FHIP2A: variants seen among roughly 807,000 people sequenced by gnomAD.
FHIP2A encodes the protein FHF complex subunit HOOK interacting protein 2A.
FHIP2A carries 46 observed loss-of-function variants against 93.5 expected under a neutral mutation model. That is an observed-to-expected ratio of 0.49 (90% CI 0.39 to 0.63). The LOEUF is 0.63. FHIP2A is among the 20% of genes least tolerant of loss of function. FHIP2A has a pLI of 0.00. For synonymous variants in FHIP2A, 332 were observed against 326.5 expected (o/e 1.02, Z -0.18); for missense variants, 769 against 909.7 (o/e 0.85, Z 1.99).
At chr10:114,852,824 A>T (rs1332404183) in intron 13 of FHIP2A, among the ~76,000 whole-genome samples, 1 of 152,094 alleles carries the variant, frequency 6.6e-6, no homozygotes, top group East Asian at 1.9e-4. Flanking sequence ...GCTTTTCTAT[A>T]TTTCTTACTA....
chr10:114,847,832 C>T (rs941942783), intron 12 of FHIP2A, among the ~76,000 whole-genome samples: 6 of 150,474 alleles, frequency 4.0e-5, no homozygotes, highest in Non-Finnish European at 8.9e-5. Flanking sequence ...CTGCAACTTC[C>T]GTCTCCCGGG....
In FHIP2A at chr10:114,862,210, C is replaced by A; in HGVS notation, c.*670C>A. 12 of 969,564 alleles carry A rather than the reference C, an allele frequency of 1.2e-5. No homozygotes were observed. The highest frequency in any genetic ancestry group is 1.5e-5 in the Non-Finnish European group (12 of 815,408). The allele number at this position is 969,564 out of a possible 1,614,324, so 60.1% of individuals were successfully genotyped here. ...TCTTTTACTCTTTTGTGCACATAGC[C>A]ATGTTAGTGATTTTCTTCATGTGTG... is the stretch of plus-strand genomic sequence containing the variant. On this transcript the variant is annotated 3_prime_UTR_variant, in exon 17 of 17. Coordinates refer to ENST00000369248, the MANE Select transcript of FHIP2A (RefSeq NM_020940.4).
chr10:114,846,874 A>G, intron 11 of FHIP2A, 146 bp downstream of exon 11: 1 of 791,614 alleles, frequency 1.3e-6, no homozygotes, highest in Non-Finnish European at 1.9e-6. Context: ...CATTGATACT[A>G]CCATCCTTTT....
rs374499648 is a variant in FHIP2A, at chr10:114,860,904, C to G, written c.2088+15C>G. Reference sequence around the variant, plus strand: ...TAATTGTCAGGGTGAGTTACTAGTTCTGTTATATTCCCTAGGATTGATAAA... The same window carrying G: ...TAATTGTCAGGGTGAGTTACTAGTTGTGTTATATTCCCTAGGATTGATAAA... On this transcript the variant is annotated intron_variant, in intron 15 of 16. Coordinates refer to ENST00000369248, the MANE Select transcript of FHIP2A (RefSeq NM_020940.4). The G allele has an allele frequency of 1.2e-5, 20 of 1,606,966 alleles. No individual in the cohort carries two copies. The African/African-American group carries it at 1.7e-4, about 14-fold the overall frequency.
chr10:114,831,468 T>C (rs932102312), intron 2 of FHIP2A, among the ~76,000 whole-genome samples: 1 of 152,182 alleles, frequency 6.6e-6, no homozygotes, highest in African/African-American at 2.4e-5. Flanking sequence ...TGTGGCACGC[T>C]TGGCACATCC....
intron 14 of FHIP2A, among the ~76,000 whole-genome samples, chr10:114,859,922 C>T (rs2083787910): frequency 6.6e-6 from 1 of 152,148 alleles, no homozygotes; most frequent in Admixed American, 6.5e-5. Context: ...CAAGTACTTT[C>T]ATTTCATTCT....
At chr10:114,884,648 C>T (rs577448135) in intron 16 of FHIP2A, among the ~76,000 whole-genome samples, 1 of 152,312 alleles carries the variant, frequency 6.6e-6, no homozygotes, top group South Asian at 2.1e-4. Flanking sequence ...CGCGGTGGCT[C>T]ACGCCTGTAA....
chr10:114,823,522 T>C (rs1012122115), intron 1 of FHIP2A, among the ~76,000 whole-genome samples: 4 of 152,064 alleles, frequency 2.6e-5, no homozygotes, highest in African/African-American at 9.7e-5. Context: ...TGAGACCGAA[T>C]CTCATTCTGT....
At chr10:114,841,377 CT>C (rs924133082) in intron 5 of FHIP2A, among the ~76,000 whole-genome samples, 6 of 148,798 alleles carry the variant, frequency 4.0e-5, no homozygotes, top group African/African-American at 1.5e-4. Context: ...ACTGCAACCT[CT>C]GCCTCCCAGA....
At chr10:114,877,310 A>C (rs547548688) in intron 16 of FHIP2A, among the ~76,000 whole-genome samples, 2 of 152,272 alleles carry the variant, frequency 1.3e-5, no homozygotes, top group South Asian at 4.1e-4. Flanking sequence ...GTCAAGCACG[A>C]GTTTCCAAAT....
Position 114,846,193 on chromosome 10 carries a change from C to T in FHIP2A, c.1224C>T (p.Leu408=). The T allele has an allele frequency of 6.2e-7, 1 of 1,614,158 alleles. No homozygotes were observed. Among genetic ancestry groups the T allele is most frequent in the Non-Finnish European group, 8.5e-7 (1 of 1,180,020 alleles). The change falls in exon 10 of 17, where the codon CTC becomes CTT. Residue 408 remains leucine (L), a synonymous_variant. Coordinates refer to ENST00000369248, the MANE Select transcript of FHIP2A (RefSeq NM_020940.4). ...QLMQTSEMGI[L]TSTALLHRIV... ...TGCTCAGTTCTGAGATGGGTATTCT[C>T]ACATCCACTGCTCTGCTTCATCGCA...
intron 13 of FHIP2A, among the ~76,000 whole-genome samples, chr10:114,851,999 C>T (rs1345993611): frequency 6.6e-6 from 1 of 151,782 alleles, no homozygotes; most frequent in Non-Finnish European, 1.5e-5. Flanking sequence ...TTGTTCTTTC[C>T]AAATGTAGAA....
chr10:114,851,694 G>A (rs2083736895), intron 13 of FHIP2A, among the ~76,000 whole-genome samples: 1 of 100,894 alleles, frequency 9.9e-6, no homozygotes, highest in Non-Finnish European at 1.8e-5. Flanking sequence ...TGAATTTTAG[G>A]ATTACTTTGT....
At chr10:114,865,910 G>T (rs535806055), downstream of FHIP2A, among the ~76,000 whole-genome samples, 5 of 152,116 alleles carry the variant, frequency 3.3e-5, no homozygotes, top group Non-Finnish European at 7.4e-5. Flanking sequence ...TGTTCTTATG[G>T]CAATAAAGTT....
At chr10:114,884,824 G>T (rs1238155713) in intron 16 of FHIP2A, among the ~76,000 whole-genome samples, 1 of 150,912 alleles carries the variant, frequency 6.6e-6, no homozygotes, top group Non-Finnish European at 1.5e-5. Flanking sequence ...TGAGGCAGGA[G>T]AATCGCTTGA....
rs1056567652 is a variant in FHIP2A, at chr10:114,855,295, T to G, written c.1902T>G (p.His634Gln). ...CNLEAAFFEG[H>Q]FLKVLFDRMG... The stretch of plus-strand genomic sequence containing the variant: ...TAGAAGCTGCTTTCTTTGAAGGTCA[T>G]TTTTTGAAAGTGCTGTTCGACAGAA... Residue 634 changes from histidine to glutamine, a missense_variant, in exon 14 of 17, where the codon CAT (histidine) becomes CAG (glutamine). Physicochemically the swap from His to Gln is conservative, Grantham distance 24. Transcript: ENST00000369248. The G allele has an allele frequency of 2.7e-5, 43 of 1,613,662 alleles. No homozygotes were observed. The highest frequency in any genetic ancestry group is 3.2e-5 in the Non-Finnish European group (38 of 1,179,726).
At chr10:114,854,678 T>C (rs2083756779) in intron 13 of FHIP2A, among the ~76,000 whole-genome samples, 2 of 152,190 alleles carry the variant, frequency 1.3e-5, no homozygotes, top group South Asian at 4.1e-4. Context: ...GTGAACACTT[T>C]GAGGACCAGC....
At chr10:114,847,750 C>CTG (rs2083710454) in intron 12 of FHIP2A, among the ~76,000 whole-genome samples, 1 of 139,042 alleles carries the variant, frequency 7.2e-6, no homozygotes, top group Non-Finnish European at 1.5e-5. Flanking sequence ...CCTCCCCCAC[C>CTG]TTTTTTTTTT....
At chr10:114,833,018 T>C (rs1247056178) in intron 2 of FHIP2A, among the ~76,000 whole-genome samples, 1 of 152,106 alleles carries the variant, frequency 6.6e-6, no homozygotes, top group Non-Finnish European at 1.5e-5. Flanking sequence ...CTAGCCATAT[T>C]TCAGAATATT....
Sources: allele counts gnomAD v4.1 joint callset (sites outside exome capture counted in the v4.1 genomes callset), GRCh38; gene constraint gnomAD v4.1.1; transcripts MANE v1.5; gene names NCBI Gene and HGNC (gene_info 2026-07-23, HGNC 2026-07-21).